MYO1H: variants seen among roughly 807,000 people sequenced by gnomAD.
MYO1H encodes the protein myosin IH.
Under a neutral mutation model 149.3 loss-of-function variants are expected in MYO1H, and 118 were observed. The observed-to-expected ratio is 0.79, with a 90% CI of 0.68 to 0.92. MYO1H has a LOEUF of 0.92. MYO1H is among the 40% of genes least tolerant of loss of function. MYO1H has a pLI of 0.00. For missense variants in MYO1H, 1,212 were observed against 1,280.7 expected (o/e 0.95, Z 0.82); for synonymous variants, 447 against 465.2 (o/e 0.96, Z 0.50).
At chr12:109,379,053 T>G (rs933657131) in intron 1 of MYO1H, among the ~76,000 whole-genome samples, 1 of 152,338 alleles carries the variant, frequency 6.6e-6, no homozygotes, top group African/African-American at 2.4e-5. Flanking sequence ...CCCTGAGTAC[T>G]AGGCACTGGT....
chr12:109,423,533 C>T (rs1193412457), intron 16 of MYO1H, among the ~76,000 whole-genome samples: 2 of 152,218 alleles, frequency 1.3e-5, no homozygotes, highest in African/African-American at 4.8e-5. Flanking sequence ...AGTTGATCTC[C>T]TGAACTCTTT....
At chr12:109,415,430 T>G (rs1870859672) in intron 14 of MYO1H, 96 bp from the exon 15 acceptor site, 1 of 1,131,888 alleles carries the variant, frequency 8.8e-7, no homozygotes, top group South Asian at 1.6e-5. Context: ...GAGCCAAGAT[T>G]GTGCCACTGC....
chr12:109,415,552 G>A (rs549049077), exon 15 of MYO1H: 14 of 1,607,964 alleles, frequency 8.7e-6, no homozygotes, highest in African/African-American at 6.7e-5. Context: ...CCAAAGGGCC[G>A]AAAGAGGATT....
At chr12:109,388,956 G>A (rs1869514447) in intron 2 of MYO1H, 112 bp downstream of exon 2, 2 of 1,332,140 alleles carry the variant, frequency 1.5e-6, no homozygotes, top group Middle Eastern at 4.1e-4. Context: ...ATTAAAGGGA[G>A]ATACTGAGGC....
intron 10 of MYO1H, among the ~76,000 whole-genome samples, chr12:109,408,646 A>G (rs2137060623): frequency 1.3e-5 from 2 of 152,342 alleles, no homozygotes; most frequent in Middle Eastern, 6.8e-3. Context: ...AAATTAAGAA[A>G]TGATACATGG....
intron 22 of MYO1H, 141 bp from the exon 23 acceptor site, chr12:109,438,395 C>T (rs1347929739): frequency 4.4e-6 from 3 of 688,274 alleles, no homozygotes; most frequent in Non-Finnish European, 7.7e-6. Flanking sequence ...TGACATTCAT[C>T]CGACCTTCCA....
At chr12:109,408,097 A>G (rs1292546696) in intron 10 of MYO1H, 184 bp downstream of exon 10, 3 of 732,076 alleles carry the variant, frequency 4.1e-6, no homozygotes, top group Non-Finnish European at 6.8e-6. Context: ...AATGACTTAT[A>G]CAATGTGTTC....
chr12:109,326,243 A>G, the MYO1H span, among the ~76,000 whole-genome samples: 1 of 152,082 alleles, frequency 6.6e-6, no homozygotes, highest in Non-Finnish European at 1.5e-5. Flanking sequence ...AGGGCCCCAG[A>G]AGTTTGTATG....
rs760245276 is a variant in MYO1H at position 109,404,125 on chromosome 12, G to A, written c.849+45G>A. ...AACTGATAGTTCCCCCTGGGACTGA[G>A]GAAACATTCCTAATTTCTTGGTGTT... On this transcript the variant is annotated intron_variant, in intron 7 of 31. Coordinates refer to ENST00000310903, the Ensembl canonical transcript of MYO1H. The A allele has an allele frequency of 7.8e-6, 11 of 1,406,846 alleles. No individual in the cohort carries two copies. In the South Asian group the frequency reaches 1.2e-4, roughly 15 times the overall value. The allele number at this position is 1,406,846 out of a possible 1,614,324, so 87.1% of individuals were successfully genotyped here. A position where few individuals can be genotyped will look rare whatever the true frequency, so the allele number is the denominator to read the frequency against.
At chr12:109,387,227 A>G (rs562676936) in intron 1 of MYO1H, among the ~76,000 whole-genome samples, 60 of 152,246 alleles carry the variant, frequency 3.9e-4, no homozygotes, top group Admixed American at 1.2e-3. Context: ...CACCACACAC[A>G]ACTGCAATTT....
At chr12:109,441,474 G>C (rs1409730488) in intron 25 of MYO1H, 141 bp from the exon 26 acceptor site, 1 of 499,330 alleles carries the variant, frequency 2.0e-6, no homozygotes, top group Non-Finnish European at 3.6e-6. Flanking sequence ...AGCCAGGAAG[G>C]TGTTCTGACT....
intron 1 of MYO1H, among the ~76,000 whole-genome samples, chr12:109,355,035 G>A (rs1868556920): frequency 6.6e-6 from 1 of 152,162 alleles, no homozygotes; most frequent in South Asian, 2.1e-4. Context: ...TTCTAATAAG[G>A]TCTAGTTGTG....
At chr12:109,346,030 G>A (rs2048101623), upstream of MYO1H, among the ~76,000 whole-genome samples, 1 of 152,134 alleles carries the variant, frequency 6.6e-6, no homozygotes, top group African/African-American at 2.4e-5. Flanking sequence ...GATGATGATT[G>A]CACAACATTG....
chr12:109,325,754 G>T, the MYO1H span, among the ~76,000 whole-genome samples: 5 of 152,160 alleles, frequency 3.3e-5, no homozygotes, highest in Non-Finnish European at 7.3e-5. Flanking sequence ...CAAAAAGTGG[G>T]CAAAGGATAT....
At chr12:109,423,097 A>G (rs1871240749) in intron 16 of MYO1H, among the ~76,000 whole-genome samples, 2 of 151,544 alleles carry the variant, frequency 1.3e-5, no homozygotes, top group Admixed American at 1.3e-4. Context: ...AAAAAAACAG[A>G]AAAAAAAATT....
chr12:109,366,357 G>A (rs1310502419), intron 1 of MYO1H, among the ~76,000 whole-genome samples: 1 of 152,178 alleles, frequency 6.6e-6, no homozygotes, highest in Non-Finnish European at 1.5e-5. Flanking sequence ...TGAAGTAAAG[G>A]GATCCAGGGG....
intron 1 of MYO1H, among the ~76,000 whole-genome samples, chr12:109,378,597 G>C (rs562037033): frequency 6.6e-6 from 1 of 152,178 alleles, no homozygotes; most frequent in Non-Finnish European, 1.5e-5. Flanking sequence ...GGGATTGCAG[G>C]CATGCGCCAC....
intron 1 of MYO1H, among the ~76,000 whole-genome samples, chr12:109,362,039 T>G (rs1868765495): frequency 6.7e-6 from 1 of 149,556 alleles, no homozygotes; most frequent in Admixed American, 6.9e-5. Context: ...ATAATTGTCT[T>G]TGGATTGGGG....
chr12:109,406,649 G>GA (rs1223816044), intron 8 of MYO1H, 140 bp from the exon 9 acceptor site: 1 of 731,358 alleles, frequency 1.4e-6, no homozygotes, highest in Non-Finnish European at 2.3e-6. Context: ...GACCTTGTCT[G>GA]AAAAAAAGTT....
Sources: allele counts gnomAD v4.1 joint callset (sites outside exome capture counted in the v4.1 genomes callset), GRCh38; gene constraint gnomAD v4.1.1; transcripts MANE v1.5; gene names NCBI Gene and HGNC (gene_info 2026-07-23, HGNC 2026-07-21).